DPYD: variants seen among roughly 807,000 people sequenced by gnomAD.
DPYD encodes dihydropyrimidine dehydrogenase [NADP(+)].
In DPYD, 109 loss-of-function variants were observed where a neutral mutation model predicts 116.2. The observed-to-expected ratio is 0.94, with a 90% CI of 0.80 to 1.10. The LOEUF is 1.10. DPYD is among the 50% of genes least tolerant of loss of function. The pLI is 0.00. For synonymous variants in DPYD, 440 were observed against 432.0 expected (o/e 1.02, Z -0.23); for missense variants, 1,302 against 1,254.5 (o/e 1.04, Z -0.57).
intron 3 of DPYD, among the ~76,000 whole-genome samples, chr1:97,808,490 T>C (rs1456500442): frequency 6.6e-6 from 1 of 152,174 alleles, no homozygotes; most frequent in Non-Finnish European, 1.5e-5. Context: ...AGTAAGGAAC[T>C]AATAATTGTT....
intron 10 of DPYD, 58 bp from the exon 11 acceptor site, chr1:97,574,028 T>G (rs1277678768): frequency 1.9e-6 from 3 of 1,590,700 alleles, no homozygotes; most frequent in Non-Finnish European, 2.6e-6. Context: ...CACACAGTAT[T>G]TGATTTCTAA....
intron 14 of DPYD, among the ~76,000 whole-genome samples, chr1:97,400,439 G>A (rs924241956): frequency 2.0e-5 from 3 of 152,072 alleles, no homozygotes; most frequent in African/African-American, 7.2e-5. Flanking sequence ...GCCAGACTTT[G>A]GTATCAGGAT....
rs774046046 is a variant in DPYD at position 97,305,248 on chromosome 1, G to C, written c.2299+11C>G. 4 of 1,611,800 alleles carry C rather than the reference G, an allele frequency of 2.5e-6. No individual in the cohort carries two copies. Among genetic ancestry groups the C allele is most frequent in the Non-Finnish European group, 3.4e-6 (4 of 1,178,612 alleles). ...CAAGAAAGCACAATGCAAGAAGTGG[G>C]CAACACCTACCAGACACTCCTCCAT... On this transcript the variant is annotated intron_variant, in intron 18 of 22. Coordinates refer to ENST00000370192, the MANE Select transcript of DPYD (RefSeq NM_000110.4).
In DPYD at chr1:97,654,099, C is replaced by T. The variant is rs550537103; in HGVS notation, c.850+24996G>A. Among the ~76,000 whole-genome samples the T allele has an allele frequency of 4.6e-5, 7 of 152,202 alleles. No homozygotes were observed. In the East Asian group the frequency reaches 5.8e-4, roughly 13 times the overall value. ...CCAACCCAACAATCTCAAAAATTAA[C>T]GAGTTAAGTAAAGATGCCATTCACA... On this transcript the variant is annotated intron_variant, in intron 8 of 22. Coordinates refer to ENST00000370192, the MANE Select transcript of DPYD (RefSeq NM_000110.4).
chr1:97,250,863 G>A (rs1663039479), intron 18 of DPYD, among the ~76,000 whole-genome samples: 1 of 152,106 alleles, frequency 6.6e-6, no homozygotes, highest in African/African-American at 2.4e-5. Context: ...CTACAGATGT[G>A]CATCATTTTG....
chr1:97,766,874 T>A (rs933789436), intron 3 of DPYD, among the ~76,000 whole-genome samples: 1 of 152,136 alleles, frequency 6.6e-6, no homozygotes, highest in Non-Finnish European at 1.5e-5. Flanking sequence ...AGAAAACTAA[T>A]CAGGTGCCAA....
chr1:97,796,732 C>T (rs889373698), intron 3 of DPYD, among the ~76,000 whole-genome samples: 2 of 151,146 alleles, frequency 1.3e-5, no homozygotes, highest in Non-Finnish European at 2.9e-5. Flanking sequence ...TTAGTTACCA[C>T]AAAAGTAATA....
chr1:97,707,174 C>T (rs1054097901), intron 5 of DPYD, among the ~76,000 whole-genome samples: 1 of 151,902 alleles, frequency 6.6e-6, no homozygotes, highest in Middle Eastern at 3.4e-3. Flanking sequence ...CATGAGGAGC[C>T]CTCCTCAATT....
intron 6 of DPYD, among the ~76,000 whole-genome samples, chr1:97,693,485 G>A (rs1234776951): frequency 6.6e-6 from 1 of 151,914 alleles, no homozygotes; most frequent in Non-Finnish European, 1.5e-5. Context: ...ATTACCTCAA[G>A]GTAACAAGAA....
At chr1:97,511,091 T>C (rs1325771596) in intron 13 of DPYD, among the ~76,000 whole-genome samples, 1 of 151,918 alleles carries the variant, frequency 6.6e-6, no homozygotes, top group Non-Finnish European at 1.5e-5. Flanking sequence ...GCTGACACCC[T>C]GTGAAGTAGG....
chr1:97,128,265 T>C (rs1406250524), intron 20 of DPYD, among the ~76,000 whole-genome samples: 2 of 152,178 alleles, frequency 1.3e-5, no homozygotes, highest in African/African-American at 4.8e-5. Flanking sequence ...TACAGAAACA[T>C]ACATATTCTT....
chr1:97,402,637 C>T (rs937898338), intron 14 of DPYD, among the ~76,000 whole-genome samples: 2 of 152,004 alleles, frequency 1.3e-5, no homozygotes, highest in African/African-American at 4.8e-5. Flanking sequence ...CTAGAAGTTC[C>T]AGTATAATTA....
chr1:97,268,595 C>T (rs1018988953), intron 18 of DPYD, among the ~76,000 whole-genome samples: 3 of 152,052 alleles, frequency 2.0e-5, no homozygotes, highest in Non-Finnish European at 4.4e-5. Context: ...CAGCTTATAC[C>T]TTCTGGAGTG....
intron 3 of DPYD, among the ~76,000 whole-genome samples, chr1:97,764,534 A>T (rs1665743607): frequency 6.6e-6 from 1 of 152,118 alleles, no homozygotes; most frequent in African/African-American, 2.4e-5. Flanking sequence ...GCAAAAAAAT[A>T]AACTTTTAAC....
At chr1:97,573,994 G>A (rs2102185287) in intron 10 of DPYD, 24 bp from the exon 11 acceptor site, 1 of 1,611,870 alleles carries the variant, frequency 6.2e-7, no homozygotes, top group South Asian at 1.1e-5. Context: ...GAACAGAGAA[G>A]AAACTTGAAA....
chr1:97,307,109 C>T (rs1476935612), intron 16 of DPYD, among the ~76,000 whole-genome samples: 2 of 151,840 alleles, frequency 1.3e-5, no homozygotes, highest in Admixed American at 6.6e-5. Flanking sequence ...AACTTAGCTA[C>T]AGTACAGTAA....
chr1:97,379,901 G>C (rs1346943976), intron 15 of DPYD, among the ~76,000 whole-genome samples: 2 of 152,160 alleles, frequency 1.3e-5, no homozygotes. Flanking sequence ...GCTATTCCCT[G>C]TCCCATATGA....
intron 11 of DPYD, among the ~76,000 whole-genome samples, chr1:97,573,309 T>C (rs1046073248): frequency 1.3e-5 from 2 of 152,104 alleles, no homozygotes; most frequent in Non-Finnish European, 2.9e-5. Flanking sequence ...TCTAATTTGA[T>C]AATTCTGACA....
intron 14 of DPYD, among the ~76,000 whole-genome samples, chr1:97,444,659 C>A (rs1016870183): frequency 6.6e-6 from 1 of 152,000 alleles, no homozygotes; most frequent in Non-Finnish European, 1.5e-5. Flanking sequence ...ATTGTATCCA[C>A]AGGAGATTTC....
Sources: allele counts gnomAD v4.1 joint callset (sites outside exome capture counted in the v4.1 genomes callset), GRCh38; gene constraint gnomAD v4.1.1; transcripts MANE v1.5; gene names NCBI Gene and HGNC (gene_info 2026-07-23, HGNC 2026-07-21).